PAPOLG: variants seen among roughly 807,000 people sequenced by gnomAD.
The protein encoded by PAPOLG is PAP-gamma.
Under a neutral mutation model 99.0 loss-of-function variants are expected in PAPOLG, and 40 were observed. The observed-to-expected ratio is 0.40, with a 90% confidence interval of 0.31 to 0.53. The LOEUF (loss-of-function observed/expected upper bound fraction) is 0.53. PAPOLG is among the 20% of genes least tolerant of loss of function. The pLI is 0.41. For missense variants in PAPOLG, 675 were observed against 884.1 expected (o/e 0.76, Z 3.00); for synonymous variants, 310 against 299.3 (o/e 1.04, Z -0.37).
At chr2:60,771,729 T>C (rs1412404798) in intron 7 of PAPOLG, 99 bp downstream of exon 7, 1 of 1,324,312 alleles carries the variant, frequency 7.6e-7, no homozygotes, top group Non-Finnish European at 1.0e-6. Flanking sequence ...GAGATTGGAC[T>C]CAGTTTAAAA....
intron 3 of PAPOLG, among the ~76,000 whole-genome samples, chr2:60,762,427 G>T (rs1247211981): frequency 6.6e-6 from 1 of 151,870 alleles, no homozygotes; most frequent in Non-Finnish European, 1.5e-5. Context: ...CGGGGGATTG[G>T]TTCTGGGACC....
At chr2:60,790,191 C>A (rs1671487597) in intron 15 of PAPOLG, among the ~76,000 whole-genome samples, 1 of 152,218 alleles carries the variant, frequency 6.6e-6, no homozygotes, top group Non-Finnish European at 1.5e-5. Flanking sequence ...CTTAAACAAG[C>A]ACTCCTGGTA....
Position 60,800,666 on chromosome 2 carries a change from T to G in PAPOLG, c.*3506T>G, listed in dbSNP as rs1671818974. 1.3e-5 allele frequency: 2 copies of G among 152,280 alleles called. No homozygotes were observed. Among genetic ancestry groups the G allele is most frequent in the Non-Finnish European group, 2.9e-5 (2 of 67,984 alleles). The allele number at this position is 152,280 out of a possible 1,614,324, so 9.4% of individuals were successfully genotyped here. ...TCCACACCTTTGAAATAGGAATTCC[T>G]AACTTGAGAATCATGAACCCTTAGG... On this transcript the variant is annotated 3_prime_UTR_variant, in exon 22 of 22. Transcript: ENST00000238714.
intron 3 of PAPOLG, 137 bp from the exon 4 acceptor site, chr2:60,768,333 C>G: frequency 1.3e-6 from 1 of 753,452 alleles, no homozygotes; most frequent in Non-Finnish European, 2.1e-6. Context: ...AACTCCTGAC[C>G]TCAGGTGATC....
At chr2:60,784,130 G>A (rs13424463) in intron 13 of PAPOLG, among the ~76,000 whole-genome samples, 15,326 of 151,790 alleles carry the variant, frequency 0.1, 762 homozygotes, top group Middle Eastern at 0.14. Flanking sequence ...CCACCACCAC[G>A]CCCAGCTAAT....
At chr2:60,780,592 C>T (rs1288370676) in intron 9 of PAPOLG, 115 bp from the exon 10 acceptor site, 1 of 1,119,570 alleles carries the variant, frequency 8.9e-7, no homozygotes, top group South Asian at 1.5e-5. Flanking sequence ...TCCTTTAATA[C>T]CAAATACCCA....
intron 11 of PAPOLG, 113 bp from the exon 12 acceptor site, chr2:60,782,573 A>T: frequency 7.4e-7 from 1 of 1,349,060 alleles, no homozygotes; most frequent in Non-Finnish European, 9.6e-7. Context: ...AGAAAAAAAA[A>T]AATTTCGTCT....
In PAPOLG at chr2:60,794,281, G is replaced by T. The variant is rs565149686; in HGVS notation, c.1989+90G>T. On this transcript the variant is annotated intron_variant, in intron 19 of 21. Coordinates refer to ENST00000238714, the MANE Select transcript of PAPOLG (RefSeq NM_022894.4). ...AATTTTCCATAGCTGTTGGTGTTCTGTTAGGAGTTGGCTGAAAAGAATATT... is the reference window on the plus strand; with the variant it reads ...AATTTTCCATAGCTGTTGGTGTTCTTTTAGGAGTTGGCTGAAAAGAATATT... 1.6e-5 allele frequency: 20 copies of T among 1,282,472 alleles called. No individual in the cohort carries two copies. In the South Asian group the frequency reaches 2.6e-4, roughly 16 times the overall value. 79.4% of individuals were successfully genotyped at this position (1,282,472 alleles called of 1,614,324 possible). A position where few individuals can be genotyped will look rare whatever the true frequency, so the allele number is the denominator to read the frequency against.
Position 60,771,515 on chromosome 2 carries a change from A to G in PAPOLG, c.493-4A>G, listed in dbSNP as rs758357788. ...TTTTTCTCTTTTTTCACATCTTTCC[A>G]AAGATTGATCTAGTCTTTGCAAGAC... is the stretch of plus-strand genomic sequence containing the variant. On this transcript the variant is annotated splice_region_variant and splice_polypyrimidine_tract_variant and intron_variant, in intron 6 of 21. Coordinates refer to ENST00000238714, the MANE Select transcript of PAPOLG (RefSeq NM_022894.4). 2.7e-5 allele frequency: 43 copies of G among 1,572,994 alleles called. No individual in the cohort carries two copies. The South Asian group carries it at 4.9e-4, about 18-fold the overall frequency.
chr2:60,792,066 T>C, intron 16 of PAPOLG, 63 bp from the exon 17 acceptor site: 5 of 1,520,980 alleles, frequency 3.3e-6, no homozygotes, highest in Non-Finnish European at 4.4e-6. Context: ...ACCTTCAGAA[T>C]TGAAACCAGT....
intron 15 of PAPOLG, among the ~76,000 whole-genome samples, chr2:60,788,951 G>A (rs912662220): frequency 9.9e-5 from 15 of 152,120 alleles, no homozygotes; most frequent in South Asian, 2.1e-4. Context: ...CCGAGATTGC[G>A]CCATTGCTCT....
At chr2:60,775,730 A>C (rs1023039903) in intron 8 of PAPOLG, among the ~76,000 whole-genome samples, 12 of 151,846 alleles carry the variant, frequency 7.9e-5, no homozygotes, top group African/African-American at 2.9e-4. Context: ...TTCCCAGTGC[A>C]TATAAAAGTT....
intron 8 of PAPOLG, among the ~76,000 whole-genome samples, chr2:60,775,927 G>A (rs527860287): frequency 9.2e-5 from 14 of 152,048 alleles, no homozygotes; most frequent in Non-Finnish European, 1.5e-5. Context: ...CCATACCCGG[G>A]TAATTTTTTG....
At chr2:60,774,952 C>G (rs1307236193) in intron 7 of PAPOLG, 82 bp from the exon 8 acceptor site, 1 of 1,574,606 alleles carries the variant, frequency 6.4e-7, no homozygotes, top group Non-Finnish European at 8.6e-7. Context: ...TTTTAGCATT[C>G]GAGAGTCTGG....
At chr2:60,782,903 T>G in intron 12 of PAPOLG, 133 bp downstream of exon 12, 1 of 1,160,642 alleles carries the variant, frequency 8.6e-7, no homozygotes, top group Admixed American at 3.6e-5. Context: ...ACAAAAATCC[T>G]AAGAGATAAG....
chr2:60,763,704 A>T (rs549827725), intron 3 of PAPOLG, among the ~76,000 whole-genome samples: 2 of 150,996 alleles, frequency 1.3e-5, no homozygotes, highest in African/African-American at 4.9e-5. Flanking sequence ...GGGTTTCACC[A>T]TAATGGTCAG....
intron 8 of PAPOLG, among the ~76,000 whole-genome samples, chr2:60,778,904 C>T (rs895000502): frequency 5.3e-5 from 8 of 151,740 alleles, no homozygotes; most frequent in East Asian, 3.9e-4. Flanking sequence ...GCTCGCTTGG[C>T]GGGACATAAT....
rs550401415 is a variant in PAPOLG at position 60,798,491 on chromosome 2, T to G, written c.*1331T>G. On this transcript the variant is annotated 3_prime_UTR_variant, in exon 22 of 22. Coordinates refer to ENST00000238714, the MANE Select transcript of PAPOLG (RefSeq NM_022894.4). ...CTTTATTGTCTCTCCTTAGTCTAAT[T>G]TTTTAAATATGGATTATGCTTGAAT... 6.5e-5 allele frequency: 10 copies of G among 152,884 alleles called. No homozygotes were observed. Among genetic ancestry groups the G allele is most frequent in the African/African-American group, 2.4e-4 (10 of 41,568 alleles). The allele number at this position is 152,884 out of a possible 1,614,324, so 9.5% of individuals were successfully genotyped here.
intron 1 of PAPOLG, among the ~76,000 whole-genome samples, chr2:60,756,797 A>G (rs1049509528): frequency 6.6e-6 from 1 of 151,722 alleles, no homozygotes; most frequent in Non-Finnish European, 1.5e-5. Flanking sequence ...ATTGTCGGTC[A>G]CTCGCCTGCC....
Sources: gnomAD v4.1 joint callset for allele counts (sites outside exome capture counted in the v4.1 genomes callset) on GRCh38, gnomAD v4.1.1 for gene constraint, MANE v1.5 for transcripts, NCBI Gene and HGNC (gene_info 2026-07-23, HGNC 2026-07-21) for gene names.